The following BTG4 variants were observed in gnomAD, a reference collection of about 807,000 sequenced individuals.
BTG4 encodes the protein protein BTG4.
In BTG4, 10 loss-of-function variants were observed where a neutral mutation model predicts 19.3. The observed-to-expected ratio is 0.52, with a 90% CI of 0.32 to 0.88. BTG4 has a LOEUF of 0.88. BTG4 is among the 40% of genes least tolerant of loss of function. The probability of loss-of-function intolerance (pLI) is 0.04; values close to 1 mark genes in which losing one functional copy is unlikely to be tolerated. For synonymous variants in BTG4, 91 were observed against 95.7 expected (o/e 0.95, Z 0.29); for missense variants, 238 against 281.9 (o/e 0.84, Z 1.11).
intron 5 of BTG4, among the ~76,000 whole-genome samples, chr11:111,488,149 A>G (rs1865181814): frequency 6.6e-6 from 1 of 152,212 alleles, no homozygotes; most frequent in African/African-American, 2.4e-5. Flanking sequence ...AGCCAATGCC[A>G]TCCTAAGCAA....
intron 1 of BTG4, among the ~76,000 whole-genome samples, chr11:111,511,890 A>G (rs1866952309): frequency 6.6e-6 from 1 of 152,178 alleles, no homozygotes; most frequent in Non-Finnish European, 1.5e-5. Context: ...AATAGTTTCT[A>G]CTATTCTAAA....
chr11:111,401,346 G>A, the BTG4 span, among the ~76,000 whole-genome samples: 2 of 36 alleles, frequency 0.056, no homozygotes, highest in South Asian at 0.5. Flanking sequence ...AGCCGGGCGT[G>A]GTGGAGGCGC....
the BTG4 span, among the ~76,000 whole-genome samples, chr11:111,435,713 G>C: frequency 6.6e-6 from 1 of 152,158 alleles, no homozygotes; most frequent in Non-Finnish European, 1.5e-5. Context: ...GGGGAGCAGA[G>C]ATGTTGGGGA....
chr11:111,462,019 GGC>G, the BTG4 span: 3 of 152,990 alleles, frequency 2.0e-5, no homozygotes, highest in Admixed American at 2.0e-4. Flanking sequence ...GGCAGAAAGT[GGC>G]GCTGAGCAGC....
At chr11:111,431,674 AC>A in the BTG4 span, among the ~76,000 whole-genome samples, 3 of 152,142 alleles carry the variant, frequency 2.0e-5, no homozygotes, top group Non-Finnish European at 4.4e-5. Context: ...ATGGAGGACA[AC>A]CCCCGGGGCT....
At chr11:111,499,091 A>C (rs973120351) in intron 1 of BTG4, among the ~76,000 whole-genome samples, 1 of 152,214 alleles carries the variant, frequency 6.6e-6, no homozygotes, top group Non-Finnish European at 1.5e-5. Flanking sequence ...ACTACAACTT[A>C]AAAAAGATCC....
intron 1 of BTG4, among the ~76,000 whole-genome samples, chr11:111,511,724 T>G (rs550175781): frequency 6.6e-6 from 1 of 152,312 alleles, no homozygotes; most frequent in Non-Finnish European, 1.5e-5. Flanking sequence ...TTTGCCCAAC[T>G]GTCACAAGAT....
chr11:111,453,656 A>C, the BTG4 span: 1 of 376,164 alleles, frequency 2.7e-6, no homozygotes, highest in East Asian at 7.4e-5. Context: ...TCTTTTTTCC[A>C]TCTTCCAAGA....
upstream of BTG4, among the ~76,000 whole-genome samples, chr11:111,513,701 T>G (rs28690953): frequency 0.095 from 14,464 of 152,260 alleles, 878 homozygotes; most frequent in Non-Finnish European, 0.14. Context: ...TTGTTTTTTT[T>G]TCAATATTCC....
downstream of BTG4, among the ~76,000 whole-genome samples, chr11:111,492,991 C>T (rs575686042): frequency 3.3e-5 from 5 of 152,222 alleles, no homozygotes; most frequent in African/African-American, 9.6e-5. Context: ...ACTAAAAATA[C>T]AAAAATTACC....
At chr11:111,461,814 C>T in the BTG4 span, 1 of 152,658 alleles carries the variant, frequency 6.6e-6, no homozygotes, top group East Asian at 1.9e-4. Flanking sequence ...CCCTGTGAAA[C>T]TTTGGGGATC....
At chr11:111,417,170 C>T in the BTG4 span, 1 of 152,230 alleles carries the variant, frequency 6.6e-6, no homozygotes, top group African/African-American at 2.4e-5. Context: ...TCTTAATAGA[C>T]TGAGAGATTC....
the BTG4 span, among the ~76,000 whole-genome samples, chr11:111,445,755 G>A: frequency 6.6e-6 from 1 of 152,106 alleles, no homozygotes; most frequent in Non-Finnish European, 1.5e-5. Flanking sequence ...TGACCTTGTG[G>A]GAATTTTCCA....
At chr11:111,451,448 C>T in the BTG4 span, 2 of 442,660 alleles carry the variant, frequency 4.5e-6, no homozygotes, top group Non-Finnish European at 4.6e-6. Flanking sequence ...AGACATTATC[C>T]CATTATTTCC....
At chr11:111,498,560 C>T (rs1865876717) in intron 2 of BTG4, 44 bp downstream of exon 2, 9 of 1,542,800 alleles carry the variant, frequency 5.8e-6, no homozygotes, top group Non-Finnish European at 7.9e-6. Flanking sequence ...TGGCTGGTTG[C>T]TTGGTGATTG....
At chr11:111,494,560 T>C (rs915277370), downstream of BTG4, among the ~76,000 whole-genome samples, 20 of 152,158 alleles carry the variant, frequency 1.3e-4, no homozygotes, top group Non-Finnish European at 1.5e-5. Flanking sequence ...CTCACTGCTA[T>C]CAAATTTGTA....
the BTG4 span, among the ~76,000 whole-genome samples, chr11:111,424,959 G>A: frequency 6.6e-6 from 1 of 152,144 alleles, no homozygotes; most frequent in African/African-American, 2.4e-5. Context: ...CGGTCCCCAA[G>A]TAGCTCAAAC....
At chr11:111,387,674 G>A in the BTG4 span, among the ~76,000 whole-genome samples, 3 of 152,172 alleles carry the variant, frequency 2.0e-5, no homozygotes, top group East Asian at 3.8e-4. Flanking sequence ...TTTTGCAGAT[G>A]AGAAAACCAA....
intron 1 of BTG4, among the ~76,000 whole-genome samples, chr11:111,504,594 A>G (rs1866321197): frequency 6.6e-6 from 1 of 152,072 alleles, no homozygotes; most frequent in Admixed American, 6.6e-5. Context: ...CTCCTATTCA[A>G]CATAGTACTG....
Sources: allele counts gnomAD v4.1 joint callset (sites outside exome capture counted in the v4.1 genomes callset), GRCh38; gene constraint gnomAD v4.1.1; transcripts MANE v1.5; gene names NCBI Gene and HGNC (gene_info 2026-07-23, HGNC 2026-07-21).